CFAP61: variants seen among roughly 807,000 people sequenced by gnomAD.
CFAP61 encodes cilia and flagella associated protein 61.
A neutral mutation model predicts 135.6 loss-of-function variants in CFAP61; 107 were observed. That is an observed-to-expected ratio of 0.79 (90% CI 0.67 to 0.93). The LOEUF is 0.93. Among genes scored for constraint, CFAP61 ranks in the 40% least tolerant of loss-of-function variants. The pLI is 0.00. For missense variants in CFAP61, 1,507 were observed against 1,556.2 expected (o/e 0.97, Z 0.53); for synonymous variants, 575 against 578.5 (o/e 0.99, Z 0.09).
rs1246820836 is a variant in CFAP61, at chr20:20,163,943, C to T, written c.1027-107C>T. On this transcript the variant is annotated intron_variant, in intron 10 of 26. Coordinates refer to ENST00000245957, the MANE Select transcript of CFAP61 (RefSeq NM_015585.4). ...GATGAGTTGTTTCGGGTGACAGTCA[C>T]ACCTGTCCTCAGAACGGTGTCATGT... 5 of 872,034 alleles carry T rather than the reference C, an allele frequency of 5.7e-6. No individual in the cohort carries two copies. In the East Asian group the frequency reaches 1.3e-4, roughly 23 times the overall value. The allele number at this position is 872,034 out of a possible 1,614,324, so 54.0% of individuals were successfully genotyped here. A position where few individuals can be genotyped will look rare whatever the true frequency, so the allele number is the denominator to read the frequency against.
intron 22 of CFAP61, among the ~76,000 whole-genome samples, chr20:20,280,483 T>G (rs933919832): frequency 3.2e-4 from 48 of 152,234 alleles, no homozygotes; most frequent in Non-Finnish European, 1.3e-4. Context: ...TCACAGTGTA[T>G]GTACCTACTA....
At chr20:20,192,674 A>G (rs2056010140) in intron 15 of CFAP61, among the ~76,000 whole-genome samples, 2 of 152,028 alleles carry the variant, frequency 1.3e-5, no homozygotes, top group South Asian at 4.1e-4. Flanking sequence ...ACCGCCCTCC[A>G]ATTATCCTAA....
At chr20:20,121,975 T>C (rs1295328547) in intron 8 of CFAP61, among the ~76,000 whole-genome samples, 1 of 152,060 alleles carries the variant, frequency 6.6e-6, no homozygotes. Context: ...CCGTAAGTTA[T>C]TCGGGTACAG....
intron 13 of CFAP61, among the ~76,000 whole-genome samples, chr20:20,179,053 A>T (rs2054851439): frequency 6.6e-6 from 1 of 152,126 alleles, no homozygotes; most frequent in Non-Finnish European, 1.5e-5. Context: ...GCAAGACATA[A>T]AGGGCATCCA....
At chr20:20,348,645 G>T (rs555704858) in intron 26 of CFAP61, among the ~76,000 whole-genome samples, 13 of 134,130 alleles carry the variant, frequency 9.7e-5, no homozygotes, top group African/African-American at 3.7e-4. Context: ...AGCCAAGATT[G>T]TGCCACTGCA....
chr20:20,331,777 A>C (rs1160348250), intron 25 of CFAP61, among the ~76,000 whole-genome samples: 2 of 151,982 alleles, frequency 1.3e-5, no homozygotes, highest in African/African-American at 4.8e-5. Flanking sequence ...TTTCCTACAG[A>C]AAATAGATAG....
intron 9 of CFAP61, among the ~76,000 whole-genome samples, chr20:20,158,871 C>T (rs1022970062): frequency 1.2e-4 from 19 of 152,126 alleles, no homozygotes; most frequent in Admixed American, 9.8e-4. Context: ...AAAAAGGATA[C>T]TTCAAATATA....
intron 25 of CFAP61, among the ~76,000 whole-genome samples, chr20:20,331,709 C>T (rs1424997111): frequency 6.6e-6 from 1 of 152,070 alleles, no homozygotes; most frequent in Non-Finnish European, 1.5e-5. Flanking sequence ...CTCTCTTGCT[C>T]CTTTGTCCCC....
chr20:20,077,722 G>A (rs992535524), intron 6 of CFAP61, among the ~76,000 whole-genome samples: 5 of 152,172 alleles, frequency 3.3e-5, no homozygotes, highest in Non-Finnish European at 5.9e-5. Flanking sequence ...GGTCATAGGC[G>A]GATTCAAAGA....
chr20:20,158,784 T>G (rs1038881588), intron 9 of CFAP61, among the ~76,000 whole-genome samples: 1 of 152,096 alleles, frequency 6.6e-6, no homozygotes, highest in Non-Finnish European at 1.5e-5. Context: ...CATGGAAGCT[T>G]GGGGGGCGAT....
intron 4 of CFAP61, 132 bp from the exon 5 acceptor site, chr20:20,075,057 G>A (rs2045957489): frequency 1.3e-6 from 1 of 790,006 alleles, no homozygotes; most frequent in Non-Finnish European, 2.2e-6. Flanking sequence ...GCCATTGCAG[G>A]TGGGGAGCAA....
At chr20:20,129,040 T>G (rs974817590) in intron 8 of CFAP61, among the ~76,000 whole-genome samples, 5 of 151,662 alleles carry the variant, frequency 3.3e-5, no homozygotes, top group African/African-American at 1.2e-4. Flanking sequence ...ATAACTATTA[T>G]TGTTTTTGAC....
chr20:20,277,357 C>T lies in CFAP61; in HGVS notation c.2695C>T (p.Arg899Trp), dbSNP rs1555947543. ...ALGAAGVTMY[R>W]DAILAQWNDG... ...AGGAGCCGCCGGAGTCACTATGTAC[C>T]GGGATGCGATCCTGGCCCAGTGGAA... is the stretch of plus-strand genomic sequence containing the variant. The change falls in exon 22 of 27, where the codon CGG (arginine) becomes TGG (tryptophan). Residue 899 changes from arginine (R) to tryptophan (W), a missense_variant. Physicochemically the swap from Arg to Trp is moderately radical, Grantham distance 101. Coordinates refer to ENST00000245957, the MANE Select transcript of CFAP61 (RefSeq NM_015585.4). 9.9e-6 allele frequency: 16 copies of T among 1,614,176 alleles called. No homozygotes were observed. The highest frequency in any genetic ancestry group is 3.3e-5 in the Admixed American group (2 of 60,018).
chr20:20,352,179 G>A (rs1364484915), intron 26 of CFAP61, among the ~76,000 whole-genome samples: 5 of 152,160 alleles, frequency 3.3e-5, no homozygotes, highest in African/African-American at 1.2e-4. Flanking sequence ...TTCTTCTCAA[G>A]GTGGCAGGAG....
intron 8 of CFAP61, chr20:20,107,552 G>A (rs2048497345): frequency 6.6e-6 from 1 of 152,154 alleles, no homozygotes; most frequent in Admixed American, 6.5e-5. Flanking sequence ...CAGTAGTGGA[G>A]ATATATATAG....
chr20:20,164,253 T>C (rs747269992), intron 11 of CFAP61, 25 bp downstream of exon 11: 9 of 1,582,418 alleles, frequency 5.7e-6, no homozygotes, highest in Non-Finnish European at 6.9e-6. Context: ...TCTGGCTGGC[T>C]GTCACAGTGA....
chr20:20,279,118 G>C (rs1430756050), intron 22 of CFAP61, among the ~76,000 whole-genome samples: 1 of 152,136 alleles, frequency 6.6e-6, no homozygotes, highest in Admixed American at 6.5e-5. Flanking sequence ...GGAAGCAGAG[G>C]CCTGAGAAAA....
intron 17 of CFAP61, among the ~76,000 whole-genome samples, chr20:20,202,252 A>G (rs1345327021): frequency 1.3e-5 from 2 of 152,076 alleles, no homozygotes; most frequent in African/African-American, 4.8e-5. Context: ...CCACTTAGCA[A>G]ATGGGTGGGA....
intron 25 of CFAP61, among the ~76,000 whole-genome samples, chr20:20,313,924 C>T (rs2056967517): frequency 6.6e-6 from 1 of 152,094 alleles, no homozygotes; most frequent in Admixed American, 6.5e-5. Context: ...ACAAACTGAT[C>T]CTGAGGGAAT....
Sources: allele counts gnomAD v4.1 joint callset (sites outside exome capture counted in the v4.1 genomes callset), GRCh38; gene constraint gnomAD v4.1.1; transcripts MANE v1.5; gene names NCBI Gene and HGNC (gene_info 2026-07-23, HGNC 2026-07-21).